Variants in AFF3 observed in about 807,000 individuals in gnomAD.
AFF3 encodes the protein ALF transcription elongation factor 3, also known as AF4/FMR2 family member 3.
A neutral mutation model predicts 129.7 loss-of-function variants in AFF3; 32 were observed. The observed-to-expected ratio is 0.25, with a 90% CI of 0.19 to 0.33. The LOEUF (loss-of-function observed/expected upper bound fraction) is 0.33, where lower values mean the gene tolerates loss of function less well. Among genes scored for constraint, AFF3 ranks in the 10% least tolerant of loss-of-function variants. AFF3 has a pLI of 1.00. For missense variants in AFF3, 1,373 were observed against 1,592.0 expected (o/e 0.86, Z 2.34); for synonymous variants, 644 against 635.4 (o/e 1.01, Z -0.20).
chr2:99,652,481 A>T (rs2105650179), intron 12 of AFF3, among the ~76,000 whole-genome samples: 1 of 152,330 alleles, frequency 6.6e-6, no homozygotes, highest in African/African-American at 2.4e-5. Flanking sequence ...GCGGCAGAGT[A>T]GGAATGAAAG....
chr2:100,017,200 T>A (rs1302353585), intron 4 of AFF3, among the ~76,000 whole-genome samples: 3 of 152,122 alleles, frequency 2.0e-5, no homozygotes, highest in Admixed American at 6.5e-5. Flanking sequence ...GGCTCACTTA[T>A]CCTGGATTTT....
intron 4 of AFF3, among the ~76,000 whole-genome samples, chr2:100,075,833 G>A (rs758772481): frequency 2.6e-5 from 4 of 151,994 alleles, no homozygotes; most frequent in Non-Finnish European, 4.4e-5. Context: ...TCCCACCCTC[G>A]ATGAGATGTT....
At chr2:99,719,070 T>TTTTTTTTTG (rs1678649829) in intron 11 of AFF3, among the ~76,000 whole-genome samples, 1 of 150,004 alleles carries the variant, frequency 6.7e-6, no homozygotes. Flanking sequence ...TTTTTTTTTT[T>TTTTTTTTTG]CCTGATGGCC....
At chr2:99,980,455 C>A (rs907229084) in intron 7 of AFF3, among the ~76,000 whole-genome samples, 1 of 152,236 alleles carries the variant, frequency 6.6e-6, no homozygotes, top group Non-Finnish European at 1.5e-5. Flanking sequence ...AATGATTTCT[C>A]TTTCCCAATA....
At chr2:99,707,841 CTTA>C (rs1270120011) in intron 11 of AFF3, among the ~76,000 whole-genome samples, 1 of 151,918 alleles carries the variant, frequency 6.6e-6, no homozygotes, top group Non-Finnish European at 1.5e-5. Context: ...AGAATTCATT[CTTA>C]TTTTCTTTCT....
At chr2:99,852,673 C>T (rs1442327960) in intron 7 of AFF3, among the ~76,000 whole-genome samples, 1 of 152,138 alleles carries the variant, frequency 6.6e-6, no homozygotes, top group African/African-American at 2.4e-5. Flanking sequence ...AGGCAAAAAA[C>T]AAACATAACA....
chr2:99,597,434 C>T (rs566577906), intron 14 of AFF3, among the ~76,000 whole-genome samples: 29 of 152,318 alleles, frequency 1.9e-4, no homozygotes, highest in African/African-American at 6.7e-4. Flanking sequence ...AAGCCAAATG[C>T]TTCTTTCAGG....
chr2:99,741,437 A>G (rs1383368904), intron 10 of AFF3, among the ~76,000 whole-genome samples: 5 of 152,150 alleles, frequency 3.3e-5, no homozygotes, highest in South Asian at 2.1e-4. Flanking sequence ...AGACAAACAG[A>G]GAGCCAAATC....
intron 12 of AFF3, among the ~76,000 whole-genome samples, chr2:99,668,930 A>G (rs1307572796): frequency 6.6e-6 from 1 of 152,220 alleles, no homozygotes; most frequent in Non-Finnish European, 1.5e-5. Flanking sequence ...TTCATTTTAT[A>G]AGATCAGTAT....
At chr2:99,775,669 C>A (rs568077560) in intron 8 of AFF3, among the ~76,000 whole-genome samples, 1 of 151,966 alleles carries the variant, frequency 6.6e-6, no homozygotes, top group South Asian at 2.1e-4. Context: ...TGCACATATA[C>A]CCCAGAACTT....
At chr2:100,099,218 C>A (rs1484595794) in intron 4 of AFF3, among the ~76,000 whole-genome samples, 3 of 150,808 alleles carry the variant, frequency 2.0e-5, no homozygotes. Context: ...TAGGAATAGG[C>A]CTTAAAATGT....
chr2:99,621,200 G>C (rs1198021079), intron 13 of AFF3, among the ~76,000 whole-genome samples: 1 of 152,210 alleles, frequency 6.6e-6, no homozygotes, highest in African/African-American at 2.4e-5. Flanking sequence ...AAAGACCAGA[G>C]AACCCTGGAG....
intron 7 of AFF3, among the ~76,000 whole-genome samples, chr2:99,936,578 T>C (rs1674547482): frequency 6.6e-6 from 1 of 152,124 alleles, no homozygotes; most frequent in Non-Finnish European, 1.5e-5. Flanking sequence ...TGTAACTTCA[T>C]CTTCTAACCT....
chr2:99,715,923 C>A (rs1257483901), intron 11 of AFF3, among the ~76,000 whole-genome samples: 2 of 152,168 alleles, frequency 1.3e-5, no homozygotes, highest in Admixed American at 6.5e-5. Context: ...CCGCCTGCCT[C>A]GGCCTCCCAA....
intron 7 of AFF3, among the ~76,000 whole-genome samples, chr2:99,961,612 T>C (rs887820093): frequency 2.0e-5 from 3 of 152,182 alleles, no homozygotes; most frequent in African/African-American, 7.2e-5. Context: ...GACTGACTTC[T>C]TGTCTGGAAA....
At chr2:99,990,992 C>T (rs1680286373) in intron 7 of AFF3, among the ~76,000 whole-genome samples, 1 of 152,072 alleles carries the variant, frequency 6.6e-6, no homozygotes, top group Non-Finnish European at 1.5e-5. Flanking sequence ...TGGTGTGTAC[C>T]AGAACCACAG....
intron 16 of AFF3, among the ~76,000 whole-genome samples, chr2:99,584,796 A>C (rs1167589038): frequency 6.6e-6 from 1 of 152,142 alleles, no homozygotes; most frequent in Non-Finnish European, 1.5e-5. Flanking sequence ...ACAAAGATTT[A>C]CTCATTATTC....
chr2:99,951,648 T>G (rs1378582173), intron 7 of AFF3, among the ~76,000 whole-genome samples: 1 of 152,150 alleles, frequency 6.6e-6, no homozygotes, highest in Non-Finnish European at 1.5e-5. Flanking sequence ...CAATACCTTT[T>G]TATTTATTTA....
At chr2:100,070,384 C>A (rs745709622) in intron 4 of AFF3, among the ~76,000 whole-genome samples, 38 of 152,296 alleles carry the variant, frequency 2.5e-4, no homozygotes, top group Non-Finnish European at 4.4e-4. Context: ...AAGTAGAAAT[C>A]TGAGCATTTT....
Sources: gnomAD v4.1 joint callset for allele counts (sites outside exome capture counted in the v4.1 genomes callset) on GRCh38, gnomAD v4.1.1 for gene constraint, MANE v1.5 for transcripts, NCBI Gene and HGNC (gene_info 2026-07-23, HGNC 2026-07-21) for gene names.